The following WWOX variants were observed in gnomAD, a reference collection of about 807,000 sequenced individuals.
The protein encoded by WWOX is WW domain-containing oxidoreductase.
A neutral mutation model predicts 46.2 loss-of-function variants in WWOX; 69 were observed. That is an observed-to-expected ratio of 1.49 (90% CI 1.23 to 1.82). WWOX has a LOEUF of 1.82. Among genes scored for constraint, WWOX ranks in the 40% most tolerant of loss-of-function variants. WWOX has a pLI of 0.00. For missense variants in WWOX, 919 were observed against 542.6 expected, an observed-to-expected ratio of 1.69 and a Z score of -6.89; for synonymous variants, 359 against 202.6, an observed-to-expected ratio of 1.77 and a Z score of -6.56.
At chr16:78,386,004 G>T (rs1567541345) in intron 5 of WWOX, among the ~76,000 whole-genome samples, 1 of 152,204 alleles carries the variant, frequency 6.6e-6, no homozygotes, top group Non-Finnish European at 1.5e-5. Flanking sequence ...TGAAGAACAT[G>T]GCCAATGGAA....
At chr16:78,508,509 G>C (rs1404047924) in intron 8 of WWOX, among the ~76,000 whole-genome samples, 1 of 152,112 alleles carries the variant, frequency 6.6e-6, no homozygotes, top group African/African-American at 2.4e-5. Flanking sequence ...GGGTTGGCCA[G>C]CCTGGCCTTG....
At position 78,525,497 on chromosome 16, in the gene WWOX, T is replaced by C. The variant is rs1020060287; in HGVS notation, c.1056+92745T>C. ...ACCACACCCGGCCCAGATTTTCTTATAAAGTCAAATGGGAGATACTTGTTT... is the reference window on the plus strand; with the variant it reads ...ACCACACCCGGCCCAGATTTTCTTACAAAGTCAAATGGGAGATACTTGTTT... On this transcript the variant is annotated intron_variant, in intron 8 of 8. Transcript: ENST00000566780. The C allele has an allele frequency of 3.9e-5, 6 of 152,314 alleles. No individual in the cohort carries two copies. The East Asian group carries it at 1.2e-3, about 29-fold the overall frequency. The allele number at this position is 152,314 out of a possible 1,614,324, so 9.4% of individuals were successfully genotyped here.
rs1053372069 is a variant in WWOX at position 79,033,910 on chromosome 16, G to A, written c.1057-177698G>A. 5.3e-5 allele frequency among the ~76,000 whole-genome samples: 8 copies of A among 152,336 alleles called. No individual in the cohort carries two copies. In the South Asian group the frequency reaches 1.7e-3, roughly 32 times the overall value. On this transcript the variant is annotated intron_variant, in intron 8 of 8. Transcript: ENST00000566780. ...TCTGTCGCACCATCAAACAGGCATA[G>A]CTGGCTGGCTAGACCATGTCACAGG...
chr16:78,819,707 T>G (rs2051440361), intron 8 of WWOX, among the ~76,000 whole-genome samples: 1 of 152,206 alleles, frequency 6.6e-6, no homozygotes, highest in South Asian at 2.1e-4. Flanking sequence ...AGAACCCTGT[T>G]GGCCTAAGCC....
intron 8 of WWOX, among the ~76,000 whole-genome samples, chr16:78,915,561 T>TA (rs531943971): frequency 3.7e-4 from 57 of 152,096 alleles, no homozygotes; most frequent in Non-Finnish European, 1.5e-4. Context: ...TTTGAAGATT[T>TA]AAAAAAATGA....
intron 8 of WWOX, among the ~76,000 whole-genome samples, chr16:79,001,552 C>G (rs931020622): frequency 1.3e-5 from 2 of 152,070 alleles, no homozygotes; most frequent in Non-Finnish European, 2.9e-5. Context: ...AGATTATCCT[C>G]TCAGTTGGAT....
chr16:78,228,022 C>T lies in WWOX; in HGVS notation c.516+63733C>T, dbSNP rs193179678. ...CACCAACATGGTCTATGGACCCTCT[C>T]TCTGGCAAATAGAGTTATGGTCATC... On this transcript the variant is annotated intron_variant, in intron 5 of 8. Transcript: ENST00000566780. 5.9e-5 allele frequency among the ~76,000 whole-genome samples: 9 copies of T among 152,282 alleles called. No individual in the cohort carries two copies. In the East Asian group the frequency reaches 7.7e-4, roughly 13 times the overall value.
At position 78,355,470 on chromosome 16, in the gene WWOX, C is replaced by T. The variant is rs572913217; in HGVS notation, c.517-31390C>T. The T allele has an allele frequency of 7.2e-5, 23 of 320,408 alleles. 1 individual carries two copies. Among genetic ancestry groups the T allele is most frequent in the East Asian group, 1.6e-4 (2 of 12,146 alleles). 19.8% of individuals were successfully genotyped at this position (320,408 alleles called of 1,614,324 possible). Reference sequence around the variant, plus strand: ...ACAAAAAATTAGCCTGGCGTGGTGGCGGGCACCTGTAGTCCCAGCTACTCG... The same window carrying T: ...ACAAAAAATTAGCCTGGCGTGGTGGTGGGCACCTGTAGTCCCAGCTACTCG... On this transcript the variant is annotated intron_variant, in intron 5 of 8. Transcript: ENST00000566780.
intron 8 of WWOX, among the ~76,000 whole-genome samples, chr16:78,605,511 G>C (rs901255179): frequency 6.6e-6 from 1 of 151,966 alleles, no homozygotes; most frequent in African/African-American, 2.4e-5. Flanking sequence ...AGGGTAGCCA[G>C]TTTTCTGTTA....
chr16:78,503,029 C>CT (rs2085108909), intron 8 of WWOX, among the ~76,000 whole-genome samples: 1 of 152,226 alleles, frequency 6.6e-6, no homozygotes, highest in Non-Finnish European at 1.5e-5. Context: ...GTCCATGTTT[C>CT]AGACGTTCCC....
intron 8 of WWOX, among the ~76,000 whole-genome samples, chr16:78,657,818 T>C (rs1190614788): frequency 1.3e-5 from 2 of 152,174 alleles, no homozygotes; most frequent in Non-Finnish European, 2.9e-5. Context: ...GTTTTGTTTT[T>C]TTGTGTGTGT....
chr16:78,357,145 T>C (rs928256801), intron 5 of WWOX, among the ~76,000 whole-genome samples: 1 of 152,180 alleles, frequency 6.6e-6, no homozygotes, highest in Non-Finnish European at 1.5e-5. Flanking sequence ...AGTTTGAATC[T>C]TTGAGTCACT....
chr16:78,569,389 T>G (rs2044657535), intron 8 of WWOX, among the ~76,000 whole-genome samples: 2 of 152,238 alleles, frequency 1.3e-5, no homozygotes, highest in African/African-American at 2.4e-5. Flanking sequence ...TTTGTTGACA[T>G]TCACCTGTAT....
At chr16:78,520,285 A>T (rs765676021) in intron 8 of WWOX, among the ~76,000 whole-genome samples, 1 of 152,190 alleles carries the variant, frequency 6.6e-6, no homozygotes, top group Non-Finnish European at 1.5e-5. Context: ...GAAACACTCA[A>T]CGCAGTGAAT....
In WWOX at chr16:79,017,684, G is replaced by A. The variant is rs141219796; in HGVS notation, c.1057-193924G>A. Among the ~76,000 whole-genome samples, 560 of 151,822 alleles carry A rather than the reference G, an allele frequency of 3.7e-3. 4 individuals carry two copies. Among genetic ancestry groups the A allele is most frequent in the African/African-American group, 0.013 (523 of 41,370 alleles). On this transcript the variant is annotated intron_variant, in intron 8 of 8. Coordinates refer to ENST00000566780, the MANE Select transcript of WWOX (RefSeq NM_016373.4). ...AGACACTGAAATTTGAATTCCATAT[G>A]TCATGAAATTATATTTTTTTGATTT...
intron 8 of WWOX, among the ~76,000 whole-genome samples, chr16:78,583,881 C>T (rs2045125523): frequency 6.6e-6 from 1 of 152,212 alleles, no homozygotes; most frequent in Admixed American, 6.5e-5. Flanking sequence ...GTTAGTGTTG[C>T]ATACCTGTTT....
At chr16:78,302,379 A>G (rs1200775524) in intron 5 of WWOX, among the ~76,000 whole-genome samples, 1 of 152,168 alleles carries the variant, frequency 6.6e-6, no homozygotes, top group Non-Finnish European at 1.5e-5. Context: ...AAGTTGCCTC[A>G]GCCTCTCTTT....
At chr16:78,783,654 C>G (rs2050383580) in intron 8 of WWOX, among the ~76,000 whole-genome samples, 1 of 152,070 alleles carries the variant, frequency 6.6e-6, no homozygotes, top group Non-Finnish European at 1.5e-5. Context: ...ATATCTTTTA[C>G]AAAGACATAA....
At chr16:78,694,133 G>A (rs117505433) in intron 8 of WWOX, among the ~76,000 whole-genome samples, 1,942 of 152,234 alleles carry the variant, frequency 0.013, 18 homozygotes, top group South Asian at 0.036. Context: ...TCTGTAGGCT[G>A]AGGCAGGAGG....
Sources: allele counts gnomAD v4.1 joint callset (sites outside exome capture counted in the v4.1 genomes callset), GRCh38; gene constraint gnomAD v4.1.1; transcripts MANE v1.5; gene names NCBI Gene and HGNC (gene_info 2026-07-23, HGNC 2026-07-21).